Variants in MSI2 observed in about 807,000 individuals in gnomAD.
MSI2 encodes RNA-binding protein Musashi homolog 2.
In MSI2, 17 loss-of-function variants were observed where a neutral mutation model predicts 45.6. The observed-to-expected ratio is 0.37, with a 90% CI of 0.26 to 0.56. The LOEUF is 0.56. Among genes scored for constraint, MSI2 ranks in the 20% least tolerant of loss-of-function variants. The pLI is 0.77. For synonymous variants in MSI2, 156 were observed against 158.2 expected (o/e 0.99, Z 0.11); for missense variants, 293 against 444.2 (o/e 0.66, Z 3.06).
At chr17:57,558,024 G>A (rs963807476) in intron 7 of MSI2, among the ~76,000 whole-genome samples, 3 of 152,178 alleles carry the variant, frequency 2.0e-5, no homozygotes, top group African/African-American at 7.2e-5. Context: ...AAGAATGAGG[G>A]AGTTAGGAGT....
intron 11 of MSI2, among the ~76,000 whole-genome samples, chr17:57,655,903 T>C (rs1911555562): frequency 6.6e-6 from 1 of 152,198 alleles, no homozygotes; most frequent in Non-Finnish European, 1.5e-5. Flanking sequence ...TTTTGATTTT[T>C]TTTATTAGTT....
At chr17:57,615,445 G>C (rs1349710428) in intron 8 of MSI2, among the ~76,000 whole-genome samples, 1 of 152,144 alleles carries the variant, frequency 6.6e-6, no homozygotes, top group African/African-American at 2.4e-5. Flanking sequence ...CAAAACTTCT[G>C]ATGCTCTGTT....
At chr17:57,699,042 A>T in the MSI2 span, among the ~76,000 whole-genome samples, 172 of 24,850 alleles carry the variant, frequency 6.9e-3, 16 homozygotes, top group African/African-American at 0.043. Flanking sequence ...AGAGAGAGAG[A>T]GAGTGTGTGT....
chr17:57,602,345 GTTTGTTTTGT>G (rs760121833), intron 8 of MSI2, among the ~76,000 whole-genome samples: 7 of 151,602 alleles, frequency 4.6e-5, no homozygotes, highest in African/African-American at 1.5e-4. Flanking sequence ...TTTGTTTTTT[GTTTGTTTTGT>G]TTTGTTTTGT....
intron 5 of MSI2, among the ~76,000 whole-genome samples, chr17:57,369,272 C>T (rs1240013862): frequency 6.6e-6 from 1 of 152,198 alleles, no homozygotes; most frequent in African/African-American, 2.4e-5. Context: ...TCACTGGACA[C>T]ATACCATTCC....
At chr17:57,341,286 C>T (rs1358754573) in intron 5 of MSI2, among the ~76,000 whole-genome samples, 3 of 152,192 alleles carry the variant, frequency 2.0e-5, no homozygotes, top group Non-Finnish European at 4.4e-5. Context: ...GGTGTGTGTG[C>T]AGAAGGAGGT....
At chr17:57,613,402 T>G (rs1215557427) in intron 8 of MSI2, among the ~76,000 whole-genome samples, 2 of 152,304 alleles carry the variant, frequency 1.3e-5, no homozygotes, top group African/African-American at 2.4e-5. Context: ...TCAACACACT[T>G]TTTCATAGCT....
chr17:57,281,782 T>G lies in MSI2; in HGVS notation c.312+19590T>G, dbSNP rs111831193. Among the ~76,000 whole-genome samples, 859 of 152,110 alleles carry G rather than the reference T, an allele frequency of 5.6e-3. 8 individuals carry two copies. Among genetic ancestry groups the G allele is most frequent in the African/African-American group, 0.019 (793 of 41,480 alleles). ...TTTGTGTAAAAAGGGCCTTCTGGAG[T>G]AAAGCAATCAGGTTGACTGACAACT... is the stretch of plus-strand genomic sequence containing the variant. On this transcript the variant is annotated intron_variant, in intron 5 of 13. Transcript: ENST00000284073.
intron 8 of MSI2, among the ~76,000 whole-genome samples, chr17:57,613,361 G>A (rs909126833): frequency 2.0e-5 from 3 of 152,298 alleles, no homozygotes; most frequent in African/African-American, 7.2e-5. Flanking sequence ...CTGGGACTGA[G>A]GGGTTTCCCA....
At chr17:57,527,688 G>A (rs994845488) in intron 6 of MSI2, among the ~76,000 whole-genome samples, 3 of 152,202 alleles carry the variant, frequency 2.0e-5, no homozygotes, top group African/African-American at 7.2e-5. Flanking sequence ...GTTCAGGCTT[G>A]GTTGCTTAGC....
chr17:57,566,765 CTGGTTGGGGCCACCAG>C (rs2087743139), intron 7 of MSI2, among the ~76,000 whole-genome samples: 3 of 152,138 alleles, frequency 2.0e-5, no homozygotes, highest in Non-Finnish European at 4.4e-5. Flanking sequence ...TGCCACCGAT[CTGGTTGGGGCCACCAG>C]TCAATTTATG....
rs896448230 is a variant in MSI2 at position 57,290,456 on chromosome 17, A to T, written c.312+28264A>T. Among the ~76,000 whole-genome samples, 4 of 152,338 alleles carry T rather than the reference A, an allele frequency of 2.6e-5. No individual in the cohort carries two copies. The East Asian group carries it at 7.7e-4, about 29-fold the overall frequency. The stretch of plus-strand genomic sequence containing the variant: ...TCCCAAGTATTGGCACTACAGGCAC[A>T]TGCCACCATGCCCATTTAATTTTTA... On this transcript the variant is annotated intron_variant, in intron 5 of 13. Coordinates refer to ENST00000284073, the MANE Select transcript of MSI2 (RefSeq NM_138962.4).
chr17:57,589,691 T>A (rs1598428141), intron 7 of MSI2, among the ~76,000 whole-genome samples: 1 of 152,190 alleles, frequency 6.6e-6, no homozygotes, highest in Non-Finnish European at 1.5e-5. Context: ...AATCCATCCC[T>A]GAACACTTAC....
Position 57,256,526 on chromosome 17 carries a change from C to G in MSI2, c.-217C>G. On this transcript the variant is annotated 5_prime_UTR_variant, in exon 1 of 14. Transcript: ENST00000284073. ...GGGGGGGCGGGGACGGGGGGGTGTG[C>G]GAGGCAGCGGGGCTGAGCTAAGCCG... 1.2e-5 allele frequency: 3 copies of G among 245,316 alleles called. No individual in the cohort carries two copies. The highest frequency in any genetic ancestry group is 1.2e-3 in the Middle Eastern group (1 of 836). 15.2% of individuals were successfully genotyped at this position (245,316 alleles called of 1,614,324 possible).
chr17:57,592,928 C>A (rs778253927), intron 7 of MSI2, among the ~76,000 whole-genome samples: 1 of 152,178 alleles, frequency 6.6e-6, no homozygotes, highest in Non-Finnish European at 1.5e-5. Flanking sequence ...TGGTTTGCAG[C>A]AGGAAAGCAG....
intron 5 of MSI2, among the ~76,000 whole-genome samples, chr17:57,297,988 A>T (rs571953408): frequency 5.3e-5 from 8 of 152,004 alleles, no homozygotes; most frequent in Non-Finnish European, 1.0e-4. Context: ...GAACCCCTCA[A>T]AATCATGCAT....
At chr17:57,268,844 A>G (rs142702198) in intron 5 of MSI2, among the ~76,000 whole-genome samples, 10 of 152,216 alleles carry the variant, frequency 6.6e-5, no homozygotes, top group South Asian at 2.1e-4. Flanking sequence ...CAAACAAACA[A>G]ACAAACAAAC....
chr17:57,324,213 G>A (rs1030866539), intron 5 of MSI2, among the ~76,000 whole-genome samples: 1 of 152,176 alleles, frequency 6.6e-6, no homozygotes. Context: ...AGGGGTGGCC[G>A]GGAGAGTCTC....
intron 5 of MSI2, among the ~76,000 whole-genome samples, chr17:57,328,425 C>A (rs1411497748): frequency 1.3e-5 from 2 of 152,212 alleles, no homozygotes; most frequent in Non-Finnish European, 1.5e-5. Context: ...TGAATTCTTT[C>A]TTTCCTTGTA....
Sources: allele counts gnomAD v4.1 joint callset (sites outside exome capture counted in the v4.1 genomes callset), GRCh38; gene constraint gnomAD v4.1.1; transcripts MANE v1.5; gene names NCBI Gene and HGNC (gene_info 2026-07-23, HGNC 2026-07-21).